The following G6PC1 variants were observed in gnomAD, a reference collection of about 807,000 sequenced individuals.
G6PC1 encodes G-6-Pase.
A neutral mutation model predicts 30.4 loss-of-function variants in G6PC1; 23 were observed. The ratio of observed to expected loss-of-function variants is 0.76; its 90% CI spans 0.55 to 1.07. The LOEUF (loss-of-function observed/expected upper bound fraction) is 1.07. Ranked by LOEUF, G6PC1 falls within the 50% of genes least tolerant of loss-of-function variation. The pLI, the probability that G6PC1 is intolerant of heterozygous loss-of-function variation, is 0.00. For synonymous variants in G6PC1, 163 were observed against 175.6 expected (o/e 0.93, Z 0.57); for missense variants, 391 against 433.9 (o/e 0.90, Z 0.88).
chr17:42,909,859 TTTTTTTTTG>T (rs1567705881), intron 4 of G6PC1, among the ~76,000 whole-genome samples: 1 of 149,862 alleles, frequency 6.7e-6, no homozygotes, highest in African/African-American at 2.5e-5. Context: ...TTTGAATATG[TTTTTTTTTG>T]TTTTTTTTTT....
In G6PC1 at chr17:42,908,031, C is replaced by CT. The variant is rs527524898; in HGVS notation, c.446+408dup. Among the ~76,000 whole-genome samples, 13 of 152,142 alleles carry CT rather than the reference C, an allele frequency of 8.5e-5. No individual in the cohort carries two copies. In the East Asian group the frequency reaches 2.5e-3, roughly 29 times the overall value. ...CGGGTGTGCAGCCACAGTGCAAATCCTTTTTATTTTTATTTTTGAGATGCA... is the reference window on the plus strand; with the variant it reads ...CGGGTGTGCAGCCACAGTGCAAATCCTTTTTTATTTTTATTTTTGAGATGCA... On this transcript the variant is annotated intron_variant, in intron 3 of 4. Coordinates refer to ENST00000253801, the MANE Select transcript of G6PC1 (RefSeq NM_000151.4).
At chr17:42,906,123 G>A (rs930555372) in intron 2 of G6PC1, among the ~76,000 whole-genome samples, 19 of 151,630 alleles carry the variant, frequency 1.3e-4, no homozygotes, top group African/African-American at 4.4e-4. Flanking sequence ...AGGGAGGGAG[G>A]AAGGAAGGGA....
At chr17:42,908,994 C>T (rs1301756354) in intron 3 of G6PC1, among the ~76,000 whole-genome samples, 3 of 152,034 alleles carry the variant, frequency 2.0e-5, no homozygotes, top group Admixed American at 1.3e-4. Flanking sequence ...AAGCATAAGC[C>T]ACCGTGCCTG....
chr17:42,905,179 C>T (rs1008772425), intron 2 of G6PC1, among the ~76,000 whole-genome samples: 6 of 151,616 alleles, frequency 4.0e-5, no homozygotes, highest in African/African-American at 1.5e-4. Flanking sequence ...AATCCCAGCA[C>T]TTTGGGAGGC....
At chr17:42,905,430 AT>A (rs373781778) in intron 2 of G6PC1, among the ~76,000 whole-genome samples, 4,566 of 104,912 alleles carry the variant, frequency 0.044, 84 homozygotes, top group Non-Finnish European at 0.058. Flanking sequence ...AAAAAAAAAA[AT>A]ATATATATAT....
rs559688835 is a variant in G6PC1 at position 42,908,341 on chromosome 17, A to T, written c.446+713A>T. ...ACCGCGCCAGCCATGCAAATCCTTA[A>T]TTATCAAACAGATAAAATAGGGAAG... On this transcript the variant is annotated intron_variant, in intron 3 of 4. Coordinates refer to ENST00000253801, the MANE Select transcript of G6PC1 (RefSeq NM_000151.4). 4.5e-4 allele frequency among the ~76,000 whole-genome samples: 66 copies of T among 147,416 alleles called. No homozygotes were observed. The Middle Eastern group carries it at 0.016, about 35-fold the overall frequency.
In G6PC1 at chr17:42,911,059, G is replaced by C. The variant is rs1457925404; in HGVS notation, c.707G>C (p.Trp236Ser). ...LLKGLGVDLL[W>S]TLEKAQRWCE... Reference sequence around the variant, plus strand: ...AAGGGACTGGGTGTAGACCTCCTGTGGACTCTGGAGAAAGCCCAGAGGTGG... The same window carrying C: ...AAGGGACTGGGTGTAGACCTCCTGTCGACTCTGGAGAAAGCCCAGAGGTGG... Residue 236 changes from tryptophan (W) to serine (S), a missense_variant, in exon 5 of 5, where the codon TGG becomes TCG. Coordinates refer to ENST00000253801, the MANE Select transcript of G6PC1 (RefSeq NM_000151.4). 6.2e-7 allele frequency: 1 copy of C among 1,613,994 alleles called. No homozygotes were observed. Among genetic ancestry groups the C allele is most frequent in the Non-Finnish European group, 8.5e-7 (1 of 1,180,036 alleles).
At position 42,901,025 on chromosome 17, in the gene G6PC1, GGT is replaced by G. The variant is rs1057516674; in HGVS notation, c.150_151del (p.Trp50CysfsTer10). The G allele has an allele frequency of 1.9e-6, 3 of 1,614,146 alleles. No homozygotes were observed. The highest frequency in any genetic ancestry group is 2.2e-5 in the South Asian group (2 of 91,076). On this transcript the variant is annotated frameshift_variant, in exon 1 of 5. Coordinates refer to ENST00000253801, the MANE Select transcript of G6PC1 (RefSeq NM_000151.4). LOFTEE classifies it high-confidence loss of function. ...GCCTTCTACGTCCTCTTCCCCATCT[GGT>G]TCCATCTTCAGGAAGCTGTGGGCAT...
rs1428003599 is a variant in G6PC1, at chr17:42,909,373, C to G, written c.517C>G (p.Leu173Val). The G allele has an allele frequency of 6.2e-7, 1 of 1,614,138 alleles. No individual in the cohort carries two copies. ...GAATGTCTGTCTGTCACGAATCTAC[C>G]TTGCTGCTCATTTTCCTCATCAAGT... ...QLNVCLSRIYLAAHFPHQVVA... is the reference protein window; with the variant it reads ...QLNVCLSRIYVAAHFPHQVVA... Residue 173 changes from leucine (L) to valine (V), a missense_variant, in exon 4 of 5, where the codon CTT (leucine) becomes GTT (valine). Transcript: ENST00000253801.
chr17:42,910,423 A>G (rs1235611371), intron 4 of G6PC1, among the ~76,000 whole-genome samples: 1 of 152,200 alleles, frequency 6.6e-6, no homozygotes, highest in Non-Finnish European at 1.5e-5. Context: ...ATCACATGAA[A>G]AACCTGGGAA....
At chr17:42,909,239 G>C (rs374531217) in intron 3 of G6PC1, 64 bp from the exon 4 acceptor site, 2 of 1,179,006 alleles carry the variant, frequency 1.7e-6, no homozygotes, top group Non-Finnish European at 2.6e-6. Context: ...ATTTCTGCAG[G>C]GGCTGTTTTC....
chr17:42,902,306 G>A (rs1470716861), intron 1 of G6PC1, among the ~76,000 whole-genome samples: 1 of 152,064 alleles, frequency 6.6e-6, no homozygotes, highest in Admixed American at 6.6e-5. Flanking sequence ...GGAGTGCAAT[G>A]GTGCAATCTC....
chr17:42,907,431 TA>T (rs1224477603), intron 2 of G6PC1, 91 bp from the exon 3 acceptor site: 6 of 793,874 alleles, frequency 7.6e-6, no homozygotes, highest in Non-Finnish European at 1.1e-5. Context: ...GATGGGTGGA[TA>T]GGGGGATGGC....
Position 42,910,977 on chromosome 17 carries a change from T to C in G6PC1, c.625T>C (p.Tyr209His), listed in dbSNP as rs1384668133. The stretch of plus-strand genomic sequence containing the variant: ...CATCTATAATGCCAGCCTCAAGAAA[T>C]ATTTTCTCATTACCTTCTTCCTGTT... ...HSIYNASLKK[Y>H]FLITFFLFSF... is the part of the protein sequence containing the mutation. The change falls in exon 5 of 5, where the codon TAT becomes CAT. Residue 209 changes from tyrosine (Y) to histidine (H), a missense_variant. By Grantham distance (83) the Tyr-to-His change is moderately conservative. Transcript: ENST00000253801. 6 of 1,614,140 alleles carry C rather than the reference T, an allele frequency of 3.7e-6. No homozygotes were observed. The highest frequency in any genetic ancestry group is 1.3e-5 in the African/African-American group (1 of 75,030).
At chr17:42,909,931 C>T (rs576071840) in intron 4 of G6PC1, among the ~76,000 whole-genome samples, 1 of 150,410 alleles carries the variant, frequency 6.6e-6, no homozygotes, top group Non-Finnish European at 1.5e-5. Context: ...GGTGCGATCT[C>T]GGCTCACTGC....
At chr17:42,908,779 C>T (rs1395464656) in intron 3 of G6PC1, among the ~76,000 whole-genome samples, 1 of 149,628 alleles carries the variant, frequency 6.7e-6, no homozygotes, top group Non-Finnish European at 1.5e-5. Flanking sequence ...TCTCGGCTCA[C>T]TGTAACCTCC....
At chr17:42,903,048 A>AT (rs1237746388) in intron 1 of G6PC1, among the ~76,000 whole-genome samples, 1 of 150,996 alleles carries the variant, frequency 6.6e-6, no homozygotes, top group Non-Finnish European at 1.5e-5. Context: ...AAAAAAAAAA[A>AT]GTCACATAGC....
chr17:42,910,289 C>T (rs768541603), intron 4 of G6PC1, among the ~76,000 whole-genome samples: 7 of 152,040 alleles, frequency 4.6e-5, no homozygotes, highest in African/African-American at 7.3e-5. Flanking sequence ...TTTGTAAGAA[C>T]GGAACATAGC....
At chr17:42,901,553 ATC>A (rs1255241890) in intron 1 of G6PC1, among the ~76,000 whole-genome samples, 1 of 151,912 alleles carries the variant, frequency 6.6e-6, no homozygotes, top group African/African-American at 2.4e-5. Flanking sequence ...GCGAAACTCC[ATC>A]TCTACAAAAA....
Sources: allele counts gnomAD v4.1 joint callset (sites outside exome capture counted in the v4.1 genomes callset), GRCh38; gene constraint gnomAD v4.1.1; transcripts MANE v1.5; gene names NCBI Gene and HGNC (gene_info 2026-07-23, HGNC 2026-07-21).